The following CHRM3 variants were observed in gnomAD, a reference collection of about 807,000 sequenced individuals.
The protein encoded by CHRM3 is cholinergic receptor muscarinic 3.
A neutral mutation model predicts 41.8 loss-of-function variants in CHRM3; 11 were observed. That is an observed-to-expected ratio of 0.26 (90% CI 0.17 to 0.44). The LOEUF (loss-of-function observed/expected upper bound fraction) is 0.44, where lower values mean the gene tolerates loss of function less well. Among genes scored for constraint, CHRM3 ranks in the 20% least tolerant of loss-of-function variants. The pLI is 1.00. For synonymous variants in CHRM3, 297 were observed against 301.4 expected (o/e 0.99, Z 0.15); for missense variants, 571 against 745.4 (o/e 0.77, Z 2.72).
intron 3 of CHRM3, among the ~76,000 whole-genome samples, chr1:239,560,934 TC>T (rs1385139810): frequency 6.6e-6 from 1 of 152,066 alleles, no homozygotes; most frequent in Non-Finnish European, 1.5e-5. Flanking sequence ...CAGGCTTCAC[TC>T]CTTCCCCAGA....
At chr1:239,737,205 T>C (rs1314193612) in intron 5 of CHRM3, among the ~76,000 whole-genome samples, 1 of 152,168 alleles carries the variant, frequency 6.6e-6, no homozygotes, top group Non-Finnish European at 1.5e-5. Context: ...TTAGAAGAAT[T>C]TTCATCCCAC....
At chr1:239,665,181 A>G (rs1673654201) in intron 4 of CHRM3, among the ~76,000 whole-genome samples, 1 of 151,946 alleles carries the variant, frequency 6.6e-6, no homozygotes, top group Non-Finnish European at 1.5e-5. Flanking sequence ...AAAAAAAAAA[A>G]AAGACTTTTT....
At chr1:239,584,927 G>GTA (rs966549230) in intron 3 of CHRM3, among the ~76,000 whole-genome samples, 1 of 152,072 alleles carries the variant, frequency 6.6e-6, no homozygotes, top group African/African-American at 2.4e-5. Flanking sequence ...TGAGATATCA[G>GTA]TATCATAATC....
chr1:239,696,659 A>T (rs748762611), intron 5 of CHRM3, among the ~76,000 whole-genome samples: 11 of 152,230 alleles, frequency 7.2e-5, no homozygotes, highest in Non-Finnish European at 1.2e-4. Flanking sequence ...ACACAGATTC[A>T]GTAGCATACT....
intron 3 of CHRM3, among the ~76,000 whole-genome samples, chr1:239,589,681 ATTTCC>A (rs1663886899): frequency 2.2e-5 from 3 of 138,822 alleles, no homozygotes; most frequent in Non-Finnish European, 4.6e-5. Flanking sequence ...GTTTTATGTA[ATTTCC>A]ATGCACTAAT....
chr1:239,410,371 A>G (rs780016887), intron 1 of CHRM3, among the ~76,000 whole-genome samples: 2 of 152,150 alleles, frequency 1.3e-5, no homozygotes, highest in Non-Finnish European at 2.9e-5. Context: ...TATACTTTAT[A>G]TATATACTTT....
chr1:239,726,655 T>G (rs1558490168), intron 5 of CHRM3, among the ~76,000 whole-genome samples: 1 of 151,892 alleles, frequency 6.6e-6, no homozygotes, highest in South Asian at 2.1e-4. Flanking sequence ...AACACTTGAC[T>G]GAAATCAATG....
intron 5 of CHRM3, among the ~76,000 whole-genome samples, chr1:239,749,529 G>A (rs1665639054): frequency 6.6e-6 from 1 of 152,108 alleles, no homozygotes; most frequent in South Asian, 2.1e-4. Flanking sequence ...TTAGCTAGGT[G>A]TGGTAGCACG....
intron 5 of CHRM3, among the ~76,000 whole-genome samples, chr1:239,682,478 A>T (rs2149102938): frequency 6.6e-6 from 1 of 152,286 alleles, no homozygotes; most frequent in East Asian, 1.9e-4. Context: ...TTTTGCCACT[A>T]CATGGAAGAG....
intron 3 of CHRM3, among the ~76,000 whole-genome samples, chr1:239,582,386 T>C (rs1238672966): frequency 6.6e-6 from 1 of 152,210 alleles, no homozygotes; most frequent in East Asian, 1.9e-4. Context: ...TTGAGAGTTA[T>C]TTTATCGCTA....
intron 5 of CHRM3, among the ~76,000 whole-genome samples, chr1:239,755,234 A>G (rs1666146000): frequency 6.6e-6 from 1 of 152,214 alleles, no homozygotes; most frequent in Admixed American, 6.5e-5. Flanking sequence ...TGTGATCAAC[A>G]TTCTGAAAGG....
intron 1 of CHRM3, among the ~76,000 whole-genome samples, chr1:239,476,338 C>T (rs546433610): frequency 1.8e-4 from 27 of 151,850 alleles, no homozygotes; most frequent in African/African-American, 5.8e-4. Flanking sequence ...TGTTGGTGGG[C>T]GCCTGTAATC....
At chr1:239,743,788 C>CTTTTTTTTTTTTTTTTTTTTTTTTTTTT (rs10718514) in intron 5 of CHRM3, among the ~76,000 whole-genome samples, 18 of 81,182 alleles carry the variant, frequency 2.2e-4, no homozygotes, top group African/African-American at 4.6e-4. Flanking sequence ...TTTTTTTTTT[C>CTTTTTTTTTTTTTTTTTTTTTTTTTTTT]TTTTTTTTTT....
chr1:239,791,235 G>T (rs1669329331), intron 5 of CHRM3, among the ~76,000 whole-genome samples: 1 of 152,128 alleles, frequency 6.6e-6, no homozygotes, highest in Admixed American at 6.5e-5. Context: ...CACCTGAGTA[G>T]CTGGGATTAC....
At chr1:239,551,260 T>G (rs1054790794) in intron 3 of CHRM3, among the ~76,000 whole-genome samples, 1 of 148,678 alleles carries the variant, frequency 6.7e-6, no homozygotes, top group Non-Finnish European at 1.5e-5. Flanking sequence ...CCTCCCGGGT[T>G]CAAGTGATTC....
chr1:239,594,676 A>G (rs1664581955), intron 3 of CHRM3, among the ~76,000 whole-genome samples: 1 of 152,236 alleles, frequency 6.6e-6, no homozygotes, highest in Non-Finnish European at 1.5e-5. Flanking sequence ...TAAAATTCAA[A>G]TGGCATGCAG....
chr1:239,830,003 C>A (rs1249911762), intron 6 of CHRM3, among the ~76,000 whole-genome samples: 2 of 152,134 alleles, frequency 1.3e-5, no homozygotes, highest in African/African-American at 4.8e-5. Flanking sequence ...GAAATCTCTG[C>A]GATTATTTCA....
chr1:239,419,087 G>A (rs972142143), intron 1 of CHRM3, among the ~76,000 whole-genome samples: 7 of 152,160 alleles, frequency 4.6e-5, no homozygotes, highest in African/African-American at 1.7e-4. Context: ...ATCCCAGTTC[G>A]TCTGAAACAT....
chr1:239,474,519 G>A (rs1248869320), intron 1 of CHRM3, among the ~76,000 whole-genome samples: 1 of 151,994 alleles, frequency 6.6e-6, no homozygotes, highest in Non-Finnish European at 1.5e-5. Flanking sequence ...TCTCACTCTT[G>A]TCACCATGCC....
Sources: allele counts gnomAD v4.1 joint callset (sites outside exome capture counted in the v4.1 genomes callset), GRCh38; gene constraint gnomAD v4.1.1; transcripts MANE v1.5; gene names NCBI Gene and HGNC (gene_info 2026-07-23, HGNC 2026-07-21).